CNBP: variants seen among roughly 807,000 people sequenced by gnomAD.
CNBP encodes the protein cellular nucleic acid-binding protein.
A neutral mutation model predicts 21.2 loss-of-function variants in CNBP; 6 were observed. The observed-to-expected ratio is 0.28, with a 90% confidence interval of 0.16 to 0.56. The LOEUF (loss-of-function observed/expected upper bound fraction) is 0.56, where lower values mean the gene tolerates loss of function less well. CNBP is among the 20% of genes least tolerant of loss of function. The pLI is 0.93. For missense variants in CNBP, 112 were observed against 233.1 expected (o/e 0.48, Z 3.38); for synonymous variants, 61 against 74.9 (o/e 0.81, Z 0.96).
At position 129,169,088 on chromosome 3, in the gene CNBP, C is replaced by A. The variant is rs959549463; in HGVS notation, c.*1365G>T. On this transcript the variant is annotated 3_prime_UTR_variant, in exon 5 of 5. Transcript: ENST00000422453. ...CTACACTCCAGCCTGGGCAACAGAG[C>A]GACACTCTGTCTCAAAAAAAAATAA... Among the ~76,000 whole-genome samples, 1 of 150,448 alleles carries A rather than the reference C, an allele frequency of 6.6e-6. No homozygotes were observed. Among genetic ancestry groups the A allele is most frequent in the African/African-American group, 2.5e-5 (1 of 40,792 alleles).
At chr3:129,176,736 CTGCCCAGA>C (rs1457041936) in intron 1 of CNBP, among the ~76,000 whole-genome samples, 1 of 152,160 alleles carries the variant, frequency 6.6e-6, no homozygotes, top group East Asian at 1.9e-4. Flanking sequence ...AGGTGAGATT[CTGCCCAGA>C]TGAATTTAGG....
At chr3:129,178,259 GAACTT>G (rs1288107881) in intron 1 of CNBP, among the ~76,000 whole-genome samples, 3 of 151,312 alleles carry the variant, frequency 2.0e-5, no homozygotes, top group African/African-American at 7.3e-5. Flanking sequence ...TACACATTTT[GAACTT>G]ATCTTGGAAT....
chr3:129,178,944 C>T (rs950140246), intron 1 of CNBP, among the ~76,000 whole-genome samples: 2 of 152,000 alleles, frequency 1.3e-5, no homozygotes, highest in Non-Finnish European at 2.9e-5. Context: ...ACGGGGGTTT[C>T]ACCGTGTTAG....
chr3:129,172,146 G>A (rs1279062892), intron 1 of CNBP, among the ~76,000 whole-genome samples: 1 of 151,972 alleles, frequency 6.6e-6, no homozygotes, highest in Non-Finnish European at 1.5e-5. Context: ...ACTCCAGCCT[G>A]GGCAACATTG....
In CNBP at chr3:129,172,612, GCAGA is replaced by G. The variant is rs57767484; in HGVS notation, c.-14-845_-14-842del. ...GGCAGGCAGGCAGGCAGGCAGACAG[GCAGA>G]CAGGCAGCCAGGCAGGCAGGCAGGC... On this transcript the variant is annotated intron_variant, in intron 1 of 4. Transcript: ENST00000422453. Among the ~76,000 whole-genome samples the G allele has an allele frequency of 2.3e-4, 5 of 22,136 alleles. No homozygotes were observed. The East Asian group carries it at 3.0e-3, about 13-fold the overall frequency. 14.5% of individuals were successfully genotyped at this position (22,136 alleles called of 152,430 possible).
Position 129,170,350 on chromosome 3 carries a change from C to A in CNBP, c.*103G>T. 2.1e-6 allele frequency: 2 copies of A among 944,590 alleles called. No homozygotes were observed. 58.5% of individuals were successfully genotyped at this position (944,590 alleles called of 1,614,324 possible). A position where few individuals can be genotyped will look rare whatever the true frequency, so the allele number is the denominator to read the frequency against. The stretch of plus-strand genomic sequence containing the variant: ...TTACACGGCAAGTAAAGCTCACTGG[C>A]CTGGGAGTTGCCTCTATCTGCCAAC... On this transcript the variant is annotated 3_prime_UTR_variant, in exon 5 of 5. Coordinates refer to ENST00000422453, the MANE Select transcript of CNBP (RefSeq NM_003418.5).
intron 1 of CNBP, among the ~76,000 whole-genome samples, chr3:129,183,289 GC>G (rs1301958697): frequency 1.3e-5 from 2 of 152,092 alleles, no homozygotes; most frequent in Admixed American, 6.5e-5. Flanking sequence ...TTGGCACATG[GC>G]CCGCCAGGCG....
At chr3:129,174,514 A>T (rs1395697552) in intron 1 of CNBP, among the ~76,000 whole-genome samples, 6 of 151,776 alleles carry the variant, frequency 4.0e-5, no homozygotes, top group Admixed American at 3.9e-4. Flanking sequence ...AAAAATGCAA[A>T]ATTAGCCAGG....
chr3:129,170,298 C>T lies in CNBP; in HGVS notation c.*155G>A, dbSNP rs1056094821. ...TTTTTTGTAGTTAAATGCAGAAAGTCGGTTTTTTTCCACCCCTTTCCTCCT... is the reference window on the plus strand; with the variant it reads ...TTTTTTGTAGTTAAATGCAGAAAGTTGGTTTTTTTCCACCCCTTTCCTCCT... On this transcript the variant is annotated 3_prime_UTR_variant, in exon 5 of 5. Transcript: ENST00000422453. 14 of 650,604 alleles carry T rather than the reference C, an allele frequency of 2.2e-5. No individual in the cohort carries two copies. The highest frequency in any genetic ancestry group is 2.7e-5 in the Non-Finnish European group (10 of 364,002). The allele number at this position is 650,604 out of a possible 1,614,324, so 40.3% of individuals were successfully genotyped here. A position where few individuals can be genotyped will look rare whatever the true frequency, so the allele number is the denominator to read the frequency against.
At chr3:129,173,724 T>A (rs1937692825) in intron 1 of CNBP, among the ~76,000 whole-genome samples, 1 of 152,188 alleles carries the variant, frequency 6.6e-6, no homozygotes, top group Admixed American at 6.6e-5. Flanking sequence ...CACTTCCATA[T>A]CTAAATATTT....
intron 1 of CNBP, among the ~76,000 whole-genome samples, chr3:129,183,047 G>T (rs890638953): frequency 6.6e-6 from 1 of 152,030 alleles, no homozygotes; most frequent in South Asian, 2.1e-4. Context: ...GGCCTCCGGG[G>T]TTCACGCGAT....
chr3:129,183,418 T>G (rs1456484243), intron 1 of CNBP, among the ~76,000 whole-genome samples: 1 of 151,870 alleles, frequency 6.6e-6, no homozygotes. Flanking sequence ...AAATCCACCC[T>G]CGGTCCCTCA....
At position 129,171,726 on chromosome 3, in the gene CNBP, C is replaced by T; in HGVS notation, c.32G>A (p.Arg11Gln). 2 of 1,614,090 alleles carry T rather than the reference C, an allele frequency of 1.2e-6. No individual in the cohort carries two copies. The highest frequency in any genetic ancestry group is 1.7e-6 in the Non-Finnish European group (2 of 1,180,034). ...ACATTCCCGGGCCCAGTGGCCAGATCGTCCACACTTGAAGCACTCATTGCT... is the reference window on the plus strand; with the variant it reads ...ACATTCCCGGGCCCAGTGGCCAGATTGTCCACACTTGAAGCACTCATTGCT... MSSNECFKCG[R>Q]SGHWARECPT... is the part of the protein sequence containing the mutation. The change falls in exon 2 of 5, where the codon CGA becomes CAA. Residue 11 changes from arginine (R) to glutamine (Q), a missense_variant. Coordinates refer to ENST00000422453, the MANE Select transcript of CNBP (RefSeq NM_003418.5).
chr3:129,175,670 C>T (rs971271232), intron 1 of CNBP, among the ~76,000 whole-genome samples: 2 of 152,152 alleles, frequency 1.3e-5, no homozygotes, highest in Non-Finnish European at 2.9e-5. Flanking sequence ...CCTAGTGATC[C>T]ACCCGCCTTG....
intron 1 of CNBP, among the ~76,000 whole-genome samples, chr3:129,179,850 A>C (rs1938168921): frequency 1.3e-5 from 2 of 152,186 alleles, no homozygotes. Context: ...AACTAAAAAA[A>C]CAAAAATTAG....
rs189644412 is a variant in CNBP at position 129,177,996 on chromosome 3, T to C, written c.-15+5780A>G. 1.4e-3 allele frequency among the ~76,000 whole-genome samples: 210 copies of C among 151,994 alleles called. 1 individual carries two copies. The highest frequency in any genetic ancestry group is 6.8e-3 in the Middle Eastern group (2 of 292). On this transcript the variant is annotated intron_variant, in intron 1 of 4. Coordinates refer to ENST00000422453, the MANE Select transcript of CNBP (RefSeq NM_003418.5). ...CAACATGGTGAAACCCTGTCTCTACTAAAAATACAAAAATTAGCTGGACAT... is the reference window on the plus strand; with the variant it reads ...CAACATGGTGAAACCCTGTCTCTACCAAAAATACAAAAATTAGCTGGACAT...
At chr3:129,171,889 T>TA (rs1382049586) in intron 1 of CNBP, 118 bp from the exon 2 acceptor site, 14 of 1,142,558 alleles carry the variant, frequency 1.2e-5, no homozygotes, top group Admixed American at 2.8e-5. Context: ...ATATATTGGT[T>TA]AAAAAAATAG....
chr3:129,177,003 C>T (rs565323440), intron 1 of CNBP, among the ~76,000 whole-genome samples: 2 of 152,080 alleles, frequency 1.3e-5, no homozygotes, highest in African/African-American at 2.4e-5. Flanking sequence ...AATTTACACC[C>T]AAGACAACTA....
chr3:129,172,652 GCAGGCAGACAGACAGACAGACAGACAGA>G lies in CNBP; in HGVS notation c.-14-909_-14-882del, dbSNP rs1229972421. Among the ~76,000 whole-genome samples the G allele has an allele frequency of 1.1e-4, 12 of 109,364 alleles. No homozygotes were observed. The South Asian group carries it at 1.7e-3, about 15-fold the overall frequency. 71.7% of individuals were successfully genotyped at this position (109,364 alleles called of 152,430 possible). On this transcript the variant is annotated intron_variant, in intron 1 of 4. Transcript: ENST00000422453. ...GGCAGGCAGGCAGGCAGGCAGGCAG[GCAGGCAGACAGACAGACAGACAGACAGA>G]CAGACAGACAGACAGACACACACAC...
Sources: allele counts gnomAD v4.1 joint callset (sites outside exome capture counted in the v4.1 genomes callset), GRCh38; gene constraint gnomAD v4.1.1; transcripts MANE v1.5; gene names NCBI Gene and HGNC (gene_info 2026-07-23, HGNC 2026-07-21).